Variants in FARP1 observed in about 807,000 individuals in gnomAD.
The protein encoded by FARP1 is FERM, ARHGEF and pleckstrin domain-containing protein 1.
In FARP1, 52 loss-of-function variants were observed where a neutral mutation model predicts 128.8. That is an observed-to-expected ratio of 0.40 (90% CI 0.32 to 0.51). The LOEUF (loss-of-function observed/expected upper bound fraction) is 0.51, where lower values mean the gene tolerates loss of function less well. Among genes scored for constraint, FARP1 ranks in the 20% least tolerant of loss-of-function variants. The pLI, the probability that FARP1 is intolerant of heterozygous loss-of-function variation, is 0.45. For missense variants in FARP1, 1,333 were observed against 1,367.9 expected (o/e 0.97, Z 0.40); for synonymous variants, 580 against 551.8 (o/e 1.05, Z -0.72).
chr13:98,256,834 A>G (rs1238723215), intron 2 of FARP1, among the ~76,000 whole-genome samples: 1 of 146,582 alleles, frequency 6.8e-6, no homozygotes, highest in Non-Finnish European at 1.5e-5. Flanking sequence ...TGCTGGGATT[A>G]CAGGCGTGAG....
At chr13:98,435,312 G>T in intron 18 of FARP1, 1 of 286,602 alleles carries the variant, frequency 3.5e-6, no homozygotes, top group Non-Finnish European at 6.5e-6. Context: ...AAGCCAACAG[G>T]TCCGTCTAAT....
At chr13:98,389,677 T>C in intron 9 of FARP1, 1 of 330,180 alleles carries the variant, frequency 3.0e-6, no homozygotes, top group Non-Finnish European at 5.5e-6. Context: ...AATTTGTATA[T>C]GAAATCTGTC....
At chr13:98,379,085 CTA>C (rs1270175401) in intron 6 of FARP1, among the ~76,000 whole-genome samples, 1 of 51,762 alleles carries the variant, frequency 1.9e-5, no homozygotes, top group African/African-American at 1.2e-4. Context: ...AATATGTAAT[CTA>C]TATATAATAT....
chr13:98,209,758 T>C (rs1231858974), intron 1 of FARP1, among the ~76,000 whole-genome samples: 3 of 122,050 alleles, frequency 2.5e-5, no homozygotes, highest in Non-Finnish European at 4.8e-5. Flanking sequence ...GATGTTGCTA[T>C]TGCACTCCAG....
At chr13:98,222,816 T>TTG (rs869051434) in intron 2 of FARP1, among the ~76,000 whole-genome samples, 1 of 142,778 alleles carries the variant, frequency 7.0e-6, no homozygotes, top group Non-Finnish European at 1.5e-5. Flanking sequence ...TTTTTTTTTT[T>TTG]AAGTAGACAT....
intron 24 of FARP1, among the ~76,000 whole-genome samples, chr13:98,443,250 T>C (rs753523232): frequency 3.3e-5 from 5 of 152,128 alleles, no homozygotes; most frequent in Non-Finnish European, 7.4e-5. Context: ...CTGACCCTAG[T>C]AGAGAGCAGG....
At chr13:98,169,679 G>A (rs1877515212) in intron 1 of FARP1, among the ~76,000 whole-genome samples, 2 of 152,148 alleles carry the variant, frequency 1.3e-5, no homozygotes, top group South Asian at 2.1e-4. Flanking sequence ...ACATTGCTCC[G>A]TTGTCTTCTA....
At chr13:98,237,552 G>A (rs1882498161) in intron 2 of FARP1, among the ~76,000 whole-genome samples, 1 of 152,152 alleles carries the variant, frequency 6.6e-6, no homozygotes, top group South Asian at 2.1e-4. Context: ...GTCATGAGCG[G>A]TTCATCTCCA....
chr13:98,300,557 A>G (rs187242772), intron 2 of FARP1, among the ~76,000 whole-genome samples: 3 of 152,200 alleles, frequency 2.0e-5, no homozygotes, highest in Non-Finnish European at 4.4e-5. Context: ...TGTTCTGTAC[A>G]TGTAAAAGGG....
At chr13:98,215,221 T>A (rs1277393107) in intron 2 of FARP1, among the ~76,000 whole-genome samples, 4 of 152,244 alleles carry the variant, frequency 2.6e-5, no homozygotes, top group African/African-American at 9.6e-5. Context: ...ATGATTTTTC[T>A]TCATAATTTC....
At chr13:98,198,782 G>T (rs1337892593) in intron 1 of FARP1, among the ~76,000 whole-genome samples, 1 of 150,376 alleles carries the variant, frequency 6.6e-6, no homozygotes, top group African/African-American at 2.5e-5. Flanking sequence ...GGAGGCCAAG[G>T]CATGAGAATT....
chr13:98,258,945 C>T (rs1269156719), intron 2 of FARP1, among the ~76,000 whole-genome samples: 5 of 152,106 alleles, frequency 3.3e-5, no homozygotes, highest in South Asian at 2.1e-4. Context: ...TGGTGGCTCA[C>T]GCCTGTAATC....
chr13:98,454,405 C>T lies in FARP1; in HGVS notation c.*6088C>T, dbSNP rs1414783244. The stretch of plus-strand genomic sequence containing the variant: ...ATGGCTGAGGATGTCTTTGACCAGG[C>T]TTATCTCAAACGTTCCAATCTAGAG... On this transcript the variant is annotated 3_prime_UTR_variant, in exon 27 of 27. Transcript: ENST00000319562. 1 of 152,164 alleles carries T rather than the reference C, an allele frequency of 6.6e-6. No homozygotes were observed. Among genetic ancestry groups the T allele is most frequent in the African/African-American group, 2.4e-5 (1 of 41,438 alleles). The allele number at this position is 152,164 out of a possible 1,614,324, so 9.4% of individuals were successfully genotyped here. A position where few individuals can be genotyped will look rare whatever the true frequency, so the allele number is the denominator to read the frequency against.
At chr13:98,218,765 C>T (rs985577463) in intron 2 of FARP1, among the ~76,000 whole-genome samples, 7 of 152,190 alleles carry the variant, frequency 4.6e-5, no homozygotes, top group African/African-American at 1.7e-4. Context: ...CCATGCTGCA[C>T]TCCAGGCTGA....
intron 2 of FARP1, among the ~76,000 whole-genome samples, chr13:98,238,722 C>T (rs1481862445): frequency 6.6e-6 from 1 of 152,108 alleles, no homozygotes; most frequent in African/African-American, 2.4e-5. Flanking sequence ...CAAGTCCTTC[C>T]CAGGACATGT....
intron 1 of FARP1, among the ~76,000 whole-genome samples, chr13:98,157,418 C>T (rs1319085532): frequency 1.3e-5 from 2 of 152,086 alleles, no homozygotes; most frequent in East Asian, 3.9e-4. Flanking sequence ...GGCCTTCCAC[C>T]AAGTCCTTCT....
chr13:98,299,940 A>C (rs1034203225), intron 2 of FARP1, among the ~76,000 whole-genome samples: 1 of 152,170 alleles, frequency 6.6e-6, no homozygotes, highest in Non-Finnish European at 1.5e-5. Flanking sequence ...TATGTGTGCT[A>C]ATCAGTAGCT....
intron 2 of FARP1, chr13:98,328,812 A>G (rs1375046857): frequency 2.0e-5 from 3 of 152,254 alleles, no homozygotes; most frequent in Non-Finnish European, 2.9e-5. Context: ...TGCTGGGTAA[A>G]GGGAGAAGTT....
intron 16 of FARP1, among the ~76,000 whole-genome samples, chr13:98,420,601 A>G (rs1160398476): frequency 6.6e-6 from 1 of 152,314 alleles, no homozygotes; most frequent in East Asian, 1.9e-4. Context: ...ACAGGTCAGA[A>G]TTGAGCAACC....
Sources: allele counts gnomAD v4.1 joint callset (sites outside exome capture counted in the v4.1 genomes callset), GRCh38; gene constraint gnomAD v4.1.1; transcripts MANE v1.5; gene names NCBI Gene and HGNC (gene_info 2026-07-23, HGNC 2026-07-21).